TRMT11: variants seen among roughly 807,000 people sequenced by gnomAD.
The protein encoded by TRMT11 is tRNA (guanine(10)-N(2))-methyltransferase TRMT11.
Under a neutral mutation model 62.8 loss-of-function variants are expected in TRMT11, and 53 were observed. The observed-to-expected ratio is 0.84, with a 90% CI of 0.68 to 1.06. The LOEUF (loss-of-function observed/expected upper bound fraction) is 1.06. Among genes scored for constraint, TRMT11 ranks in the 50% least tolerant of loss-of-function variants. The probability of loss-of-function intolerance (pLI) is 0.00; values close to 1 mark genes in which losing one functional copy is unlikely to be tolerated. For missense variants in TRMT11, 556 were observed against 553.4 expected, an observed-to-expected ratio of 1.00 and a Z score of -0.05; for synonymous variants, 188 against 190.3, an observed-to-expected ratio of 0.99 and a Z score of 0.10.
chr6:126,017,549 TTA>T (rs1272516745), intron 11 of TRMT11, among the ~76,000 whole-genome samples: 1 of 152,192 alleles, frequency 6.6e-6, no homozygotes, highest in African/African-American at 2.4e-5. Context: ...TCTGTGCATT[TTA>T]TGTCTTTTCA....
chr6:126,093,627 A>ATTTTTTTTTTTTTT (rs1343339966), intron 17 of TRMT11, among the ~76,000 whole-genome samples: 3 of 94,636 alleles, frequency 3.2e-5, no homozygotes, highest in African/African-American at 1.4e-4. Context: ...ATATATATAT[A>ATTTTTTTTTTTTTT]TATATTTTCC....
the TRMT11 span, among the ~76,000 whole-genome samples, chr6:126,214,123 T>C: frequency 2.9e-4 from 44 of 149,376 alleles, 1 homozygote; most frequent in African/African-American, 1.1e-3. Flanking sequence ...CTTTCTAATG[T>C]GTTGATTTCT....
chr6:126,220,938 G>A, the TRMT11 span, among the ~76,000 whole-genome samples: 2 of 152,240 alleles, frequency 1.3e-5, no homozygotes, highest in African/African-American at 2.4e-5. Context: ...GTAGGCTCCA[G>A]TGTTTACAAT....
chr6:126,255,295 A>G, the TRMT11 span, among the ~76,000 whole-genome samples: 2 of 152,222 alleles, frequency 1.3e-5, no homozygotes, highest in East Asian at 3.8e-4. Flanking sequence ...GGCTCTCTTT[A>G]GCACTTCGAA....
At chr6:126,178,257 G>C (rs945681757) in intron 1 of TRMT11, among the ~76,000 whole-genome samples, 1 of 152,108 alleles carries the variant, frequency 6.6e-6, no homozygotes, top group East Asian at 1.9e-4. Context: ...CCCTTTTTGA[G>C]GTAGCCACAC....
At chr6:126,096,282 G>A (rs191432427) in intron 17 of TRMT11, among the ~76,000 whole-genome samples, 1 of 152,146 alleles carries the variant, frequency 6.6e-6, no homozygotes, top group Admixed American at 6.5e-5. Flanking sequence ...CATTCATTCT[G>A]TTGTAAATTT....
intron 21 of TRMT11, among the ~76,000 whole-genome samples, chr6:126,168,751 T>C (rs1345960538): frequency 1.3e-5 from 2 of 152,150 alleles, no homozygotes; most frequent in Non-Finnish European, 2.9e-5. Flanking sequence ...ATTCCTGACC[T>C]TGTGATCTGC....
At chr6:126,049,749 T>C (rs1776159184) in intron 16 of TRMT11, among the ~76,000 whole-genome samples, 1 of 152,228 alleles carries the variant, frequency 6.6e-6, no homozygotes, top group Non-Finnish European at 1.5e-5. Context: ...GAGTAGAATA[T>C]TTAATAAAGA....
At chr6:125,988,391 C>T (rs1031884741) in intron 1 of TRMT11, among the ~76,000 whole-genome samples, 1 of 152,014 alleles carries the variant, frequency 6.6e-6, no homozygotes, top group Non-Finnish European at 1.5e-5. Flanking sequence ...TGAAGAGGAC[C>T]TAGGGTGAAA....
chr6:126,033,698 G>A (rs776145007), intron 12 of TRMT11, among the ~76,000 whole-genome samples: 4 of 152,116 alleles, frequency 2.6e-5, no homozygotes, highest in South Asian at 2.1e-4. Flanking sequence ...ACAGCAATCC[G>A]GGACTCACAA....
the TRMT11 span, among the ~76,000 whole-genome samples, chr6:126,245,134 TG>T: frequency 6.6e-6 from 1 of 152,164 alleles, no homozygotes; most frequent in Non-Finnish European, 1.5e-5. Context: ...ATGTTTTCAT[TG>T]GGAGGATATG....
chr6:126,142,178 G>T (rs979900206), intron 21 of TRMT11, among the ~76,000 whole-genome samples: 1 of 152,056 alleles, frequency 6.6e-6, no homozygotes, highest in African/African-American at 2.4e-5. Flanking sequence ...CCCTGGAGAA[G>T]AAGATGTGTG....
At chr6:126,150,740 CA>C (rs1778029436) in intron 21 of TRMT11, among the ~76,000 whole-genome samples, 1 of 152,182 alleles carries the variant, frequency 6.6e-6, no homozygotes, top group African/African-American at 2.4e-5. Context: ...ATTAAAAATA[CA>C]TTGCATATTG....
upstream of TRMT11, among the ~76,000 whole-genome samples, chr6:126,173,606 T>C (rs955768445): frequency 1.3e-5 from 2 of 152,178 alleles, no homozygotes; most frequent in African/African-American, 4.8e-5. Flanking sequence ...GCCAACCCCA[T>C]GATTTGCTTC....
At chr6:126,124,292 C>T (rs574463095) in intron 21 of TRMT11, among the ~76,000 whole-genome samples, 1 of 152,172 alleles carries the variant, frequency 6.6e-6, no homozygotes, top group Non-Finnish European at 1.5e-5. Flanking sequence ...TTTATTCTAT[C>T]TGGCTGGTCT....
intron 16 of TRMT11, among the ~76,000 whole-genome samples, chr6:126,051,389 A>G (rs887266337): frequency 6.6e-6 from 1 of 152,154 alleles, no homozygotes; most frequent in Non-Finnish European, 1.5e-5. Context: ...GATCAACAAT[A>G]TAAAGTCAGA....
chr6:126,177,393 C>T (rs1167481797), intron 1 of TRMT11: 1 of 152,150 alleles, frequency 6.6e-6, no homozygotes, highest in Non-Finnish European at 1.5e-5. Context: ...AACAGCAGTA[C>T]TCTACTTCTC....
chr6:126,135,764 A>C (rs1412187026), intron 21 of TRMT11, among the ~76,000 whole-genome samples: 1 of 151,812 alleles, frequency 6.6e-6, no homozygotes, highest in African/African-American at 2.4e-5. Context: ...AGAATTCAAC[A>C]ACCCGTTAAA....
chr6:126,247,563 T>A, the TRMT11 span, among the ~76,000 whole-genome samples: 2 of 146,490 alleles, frequency 1.4e-5, no homozygotes, highest in Non-Finnish European at 3.0e-5. Context: ...AATAAATATA[T>A]AAATATATAT....
Sources: gnomAD v4.1 joint callset for allele counts (sites outside exome capture counted in the v4.1 genomes callset) on GRCh38, gnomAD v4.1.1 for gene constraint, MANE v1.5 for transcripts, NCBI Gene and HGNC (gene_info 2026-07-23, HGNC 2026-07-21) for gene names.